MYO1E: variants seen among roughly 807,000 people sequenced by gnomAD.
The protein encoded by MYO1E is myosin IE.
A neutral mutation model predicts 151.1 loss-of-function variants in MYO1E; 68 were observed. The ratio of observed to expected loss-of-function variants is 0.45; its 90% CI spans 0.37 to 0.55. MYO1E has a LOEUF of 0.55. MYO1E is among the 20% of genes least tolerant of loss of function. MYO1E has a pLI of 0.00. For missense variants in MYO1E, 1,363 were observed against 1,389.3 expected, an observed-to-expected ratio of 0.98 and a Z score of 0.30; for synonymous variants, 601 against 501.7, an observed-to-expected ratio of 1.20 and a Z score of -2.64.
intron 1 of MYO1E, among the ~76,000 whole-genome samples, chr15:59,299,757 G>C (rs1486520738): frequency 1.3e-5 from 2 of 152,174 alleles, no homozygotes; most frequent in Non-Finnish European, 2.9e-5. Context: ...ATCCTAACCT[G>C]ATGACCCCAT....
intron 3 of MYO1E, among the ~76,000 whole-genome samples, chr15:59,258,528 A>G (rs1426562259): frequency 6.6e-6 from 1 of 152,188 alleles, no homozygotes; most frequent in African/African-American, 2.4e-5. Flanking sequence ...TTGTTTATAC[A>G]TCTGGTTAGG....
At chr15:59,337,920 C>T (rs1468818310) in intron 1 of MYO1E, among the ~76,000 whole-genome samples, 1 of 152,204 alleles carries the variant, frequency 6.6e-6, no homozygotes, top group Admixed American at 6.5e-5. Flanking sequence ...TAAGGCAAAT[C>T]ACTTAAACAT....
chr15:59,344,505 A>T (rs1025975760), intron 1 of MYO1E, among the ~76,000 whole-genome samples: 2 of 152,182 alleles, frequency 1.3e-5, no homozygotes, highest in African/African-American at 2.4e-5. Flanking sequence ...AGGCCTGTAT[A>T]ATTATCTGGC....
At chr15:59,302,816 G>A (rs1567008565) in intron 1 of MYO1E, among the ~76,000 whole-genome samples, 1 of 152,168 alleles carries the variant, frequency 6.6e-6, no homozygotes, top group Non-Finnish European at 1.5e-5. Context: ...ATTATTGAAA[G>A]TAAATAAAAG....
chr15:59,176,983 C>T (rs985822240), intron 19 of MYO1E, among the ~76,000 whole-genome samples: 6 of 152,174 alleles, frequency 3.9e-5, no homozygotes, highest in Non-Finnish European at 8.8e-5. Context: ...CCCCCTCCAA[C>T]GCAACTGAAG....
At chr15:59,315,229 G>T (rs1292263563) in intron 1 of MYO1E, among the ~76,000 whole-genome samples, 2 of 152,018 alleles carry the variant, frequency 1.3e-5, no homozygotes, top group Non-Finnish European at 2.9e-5. Flanking sequence ...CTAAACAATA[G>T]CTTCCATTAC....
At chr15:59,355,445 T>TG (rs2080847679) in intron 1 of MYO1E, among the ~76,000 whole-genome samples, 1 of 152,144 alleles carries the variant, frequency 6.6e-6, no homozygotes, top group African/African-American at 2.4e-5. Flanking sequence ...TTTACCCTTC[T>TG]GTAGAGCTTA....
At chr15:59,307,442 A>G (rs2080521311) in intron 1 of MYO1E, among the ~76,000 whole-genome samples, 1 of 152,230 alleles carries the variant, frequency 6.6e-6, no homozygotes, top group East Asian at 1.9e-4. Flanking sequence ...GGGACAGAGC[A>G]AGAACCAGAT....
chr15:59,315,324 T>C lies in MYO1E; in HGVS notation c.4-42875A>G, dbSNP rs371318324. On this transcript the variant is annotated intron_variant, in intron 1 of 27. Transcript: ENST00000288235. ...TCTTTGGCTACATGTTTTGACCTGA[T>C]TGCCATCCCCATCCACGTAAAACAT... Among the ~76,000 whole-genome samples, 11 of 152,138 alleles carry C rather than the reference T, an allele frequency of 7.2e-5. No homozygotes were observed. The East Asian group carries it at 9.6e-4, about 13-fold the overall frequency.
At chr15:59,303,859 G>A (rs1258950550) in intron 1 of MYO1E, among the ~76,000 whole-genome samples, 1 of 152,094 alleles carries the variant, frequency 6.6e-6, no homozygotes, top group Non-Finnish European at 1.5e-5. Context: ...AACAACAACA[G>A]CAGGAATATA....
At chr15:59,367,261 C>G (rs2080919787) in intron 1 of MYO1E, among the ~76,000 whole-genome samples, 1 of 152,178 alleles carries the variant, frequency 6.6e-6, no homozygotes, top group Non-Finnish European at 1.5e-5. Flanking sequence ...CATGCCCACA[C>G]TAGGCACAGA....
chr15:59,189,122 T>G (rs998349953), intron 17 of MYO1E, among the ~76,000 whole-genome samples: 1 of 151,878 alleles, frequency 6.6e-6, no homozygotes, highest in East Asian at 1.9e-4. Flanking sequence ...ATTGTAGTGA[T>G]GTGATAGCTC....
At chr15:59,203,678 G>C (rs919149404) in intron 15 of MYO1E, among the ~76,000 whole-genome samples, 2 of 152,174 alleles carry the variant, frequency 1.3e-5, no homozygotes, top group Non-Finnish European at 2.9e-5. Flanking sequence ...CCAGCCTGAA[G>C]ATACTTTCAT....
intron 2 of MYO1E, among the ~76,000 whole-genome samples, chr15:59,269,835 A>C (rs539346474): frequency 7.2e-5 from 11 of 152,130 alleles, no homozygotes; most frequent in African/African-American, 1.2e-4. Flanking sequence ...GCCTGGCGAG[A>C]GAGCAAGACT....
chr15:59,353,745 A>T (rs2140436482), intron 1 of MYO1E, among the ~76,000 whole-genome samples: 1 of 131,396 alleles, frequency 7.6e-6, no homozygotes, highest in African/African-American at 2.9e-5. Context: ...CAACAAGAGC[A>T]AAACTCCGTC....
intron 1 of MYO1E, among the ~76,000 whole-genome samples, chr15:59,296,690 T>C (rs1474294100): frequency 1.3e-5 from 2 of 152,172 alleles, no homozygotes; most frequent in Admixed American, 1.3e-4. Flanking sequence ...TAGTGATTGC[T>C]GATCCATCCC....
intron 1 of MYO1E, among the ~76,000 whole-genome samples, chr15:59,372,164 C>G (rs1436935928): frequency 1.3e-5 from 2 of 151,754 alleles, no homozygotes; most frequent in East Asian, 1.9e-4. Context: ...CACGTCCCAG[C>G]AGGAGGAGGG....
rs1555422216 is a variant in MYO1E at position 59,353,369 on chromosome 15, A to AGAAAAG, written c.3+19128_3+19129insCTTTTC. Among the ~76,000 whole-genome samples, 19 of 96,882 alleles carry AGAAAAG rather than the reference A, an allele frequency of 2.0e-4. No homozygotes were observed. The East Asian group carries it at 2.1e-3, about 11-fold the overall frequency. The allele number at this position is 96,882 out of a possible 152,430, so 63.6% of individuals were successfully genotyped here. A position where few individuals can be genotyped will look rare whatever the true frequency, so the allele number is the denominator to read the frequency against. Reference sequence around the variant, plus strand: ...GAGACCCTGTCTCAAAAAAAAAAAAAAAAAGAAAAGAAAAGAAAAGAAAAG... The same window carrying AGAAAAG: ...GAGACCCTGTCTCAAAAAAAAAAAAAGAAAAGAAAAGAAAAGAAAAGAAAAGAAAAG... On this transcript the variant is annotated intron_variant, in intron 1 of 27. Coordinates refer to ENST00000288235, the MANE Select transcript of MYO1E (RefSeq NM_004998.4).
At chr15:59,256,232 C>T (rs2080193043) in intron 4 of MYO1E, 52 bp downstream of exon 4, 1 of 1,407,282 alleles carries the variant, frequency 7.1e-7, no homozygotes, top group Non-Finnish European at 1.0e-6. Context: ...AATCCATAAC[C>T]ACAGCATAGT....
Sources: gnomAD v4.1 joint callset for allele counts (sites outside exome capture counted in the v4.1 genomes callset) on GRCh38, gnomAD v4.1.1 for gene constraint, MANE v1.5 for transcripts, NCBI Gene and HGNC (gene_info 2026-07-23, HGNC 2026-07-21) for gene names.